The following CSMD1 variants were observed in gnomAD, a reference collection of about 807,000 sequenced individuals.
CSMD1 encodes the protein CUB and sushi domain-containing protein 1.
In CSMD1, 213 loss-of-function variants were observed where a neutral mutation model predicts 417.5. The ratio of observed to expected loss-of-function variants is 0.51; its 90% CI spans 0.46 to 0.57. The LOEUF (loss-of-function observed/expected upper bound fraction) is 0.57, where lower values mean the gene tolerates loss of function less well. Ranked by LOEUF, CSMD1 falls within the 20% of genes least tolerant of loss-of-function variation. CSMD1 has a pLI of 0.00. For synonymous variants in CSMD1, 2,862 were observed against 1,736.8 expected, an observed-to-expected ratio of 1.65 and a Z score of -16.11; for missense variants, 6,923 against 4,529.7, an observed-to-expected ratio of 1.53 and a Z score of -15.17.
chr8:4,413,281 G>C (rs970517444), intron 3 of CSMD1, among the ~76,000 whole-genome samples: 1 of 152,152 alleles, frequency 6.6e-6, no homozygotes, highest in Non-Finnish European at 1.5e-5. Context: ...GATCCTCAAT[G>C]ACACAGCTTC....
chr8:4,253,906 T>A (rs1267694517), intron 3 of CSMD1, among the ~76,000 whole-genome samples: 2 of 101,826 alleles, frequency 2.0e-5, no homozygotes, highest in Non-Finnish European at 3.9e-5. Context: ...TTTCCTTCCA[T>A]CTTTTTTTTT....
chr8:4,471,044 G>A (rs556377311), intron 2 of CSMD1, among the ~76,000 whole-genome samples: 2 of 152,106 alleles, frequency 1.3e-5, no homozygotes, highest in African/African-American at 4.8e-5. Flanking sequence ...AACTTGCAAG[G>A]TCTAATTTCC....
chr8:3,877,295 T>C (rs900615298), intron 5 of CSMD1, among the ~76,000 whole-genome samples: 2 of 152,064 alleles, frequency 1.3e-5, no homozygotes, highest in African/African-American at 4.8e-5. Flanking sequence ...AAAGGAAACT[T>C]CTGCATGCTG....
chr8:2,998,677 T>C (rs1172531268), intron 53 of CSMD1, among the ~76,000 whole-genome samples: 1 of 152,184 alleles, frequency 6.6e-6, no homozygotes, highest in East Asian at 1.9e-4. Flanking sequence ...ATTAGCAAAA[T>C]AACTAAGCAC....
At chr8:4,272,444 C>G (rs1400652797) in intron 3 of CSMD1, among the ~76,000 whole-genome samples, 1 of 152,122 alleles carries the variant, frequency 6.6e-6, no homozygotes, top group African/African-American at 2.4e-5. Context: ...GAAAAACTAT[C>G]TAAAACCAGG....
intron 55 of CSMD1, among the ~76,000 whole-genome samples, chr8:2,975,042 C>T (rs777716345): frequency 1.3e-5 from 2 of 152,160 alleles, no homozygotes; most frequent in Admixed American, 6.5e-5. Context: ...ATATTCTTTG[C>T]TTGCGGACAT....
At chr8:4,355,322 C>G (rs1267288746) in intron 3 of CSMD1, among the ~76,000 whole-genome samples, 1 of 132,890 alleles carries the variant, frequency 7.5e-6, no homozygotes, top group African/African-American at 2.5e-5. Flanking sequence ...CACACACACA[C>G]ACGCACACAC....
chr8:3,745,829 C>G (rs954310140), intron 6 of CSMD1, among the ~76,000 whole-genome samples: 3 of 152,182 alleles, frequency 2.0e-5, no homozygotes, highest in Non-Finnish European at 4.4e-5. Context: ...CCTGGTTTCC[C>G]TACAGCTGTG....
intron 5 of CSMD1, among the ~76,000 whole-genome samples, chr8:3,909,064 G>A (rs1808289148): frequency 6.6e-6 from 1 of 152,298 alleles, no homozygotes; most frequent in South Asian, 2.1e-4. Context: ...CAGCTGAGAA[G>A]GCCTTTGGAG....
chr8:3,010,021 C>T (rs1456735397), intron 52 of CSMD1, among the ~76,000 whole-genome samples: 1 of 152,186 alleles, frequency 6.6e-6, no homozygotes, highest in African/African-American at 2.4e-5. Context: ...CACCTTCTTC[C>T]CTGGGCCTAT....
At chr8:3,734,236 G>A (rs563866525) in intron 6 of CSMD1, among the ~76,000 whole-genome samples, 3 of 152,320 alleles carry the variant, frequency 2.0e-5, no homozygotes, top group East Asian at 1.9e-4. Context: ...GGAGCCTTCG[G>A]CTTCCTACTC....
intron 3 of CSMD1, among the ~76,000 whole-genome samples, chr8:4,155,759 C>G (rs1431354578): frequency 6.6e-6 from 1 of 152,112 alleles, no homozygotes; most frequent in Non-Finnish European, 1.5e-5. Context: ...GTCATTGATC[C>G]CCGGATCTTT....
intron 1 of CSMD1, among the ~76,000 whole-genome samples, chr8:4,728,454 G>A (rs1315709416): frequency 1.3e-5 from 2 of 151,998 alleles, no homozygotes; most frequent in African/African-American, 2.4e-5. Context: ...GTTACCAATT[G>A]AACGTATATT....
chr8:3,233,203 T>A (rs886314085), intron 26 of CSMD1, among the ~76,000 whole-genome samples: 1 of 152,176 alleles, frequency 6.6e-6, no homozygotes, highest in Admixed American at 6.5e-5. Context: ...TATGGTCATA[T>A]TGGGAGGTGA....
intron 10 of CSMD1, among the ~76,000 whole-genome samples, chr8:3,528,256 A>T (rs1215439454): frequency 6.6e-6 from 1 of 152,260 alleles, no homozygotes; most frequent in Admixed American, 6.5e-5. Flanking sequence ...GGATAGACAC[A>T]TCTCAAATCA....
intron 10 of CSMD1, among the ~76,000 whole-genome samples, chr8:3,568,623 G>T (rs899901538): frequency 6.6e-6 from 1 of 152,058 alleles, no homozygotes; most frequent in Non-Finnish European, 1.5e-5. Context: ...ATATGTATTT[G>T]AGAGCTATAT....
chr8:4,101,289 C>T (rs1246488589), intron 3 of CSMD1, among the ~76,000 whole-genome samples: 3 of 152,148 alleles, frequency 2.0e-5, no homozygotes, highest in Non-Finnish European at 4.4e-5. Flanking sequence ...TTCCAAACTC[C>T]CATGTTAAAG....
At chr8:3,432,575 T>A (rs1320269803) in intron 12 of CSMD1, among the ~76,000 whole-genome samples, 1 of 145,038 alleles carries the variant, frequency 6.9e-6, no homozygotes, top group African/African-American at 2.6e-5. Flanking sequence ...AGTGGTGCGA[T>A]CTTGGCTCAC....
intron 5 of CSMD1, among the ~76,000 whole-genome samples, chr8:3,977,066 T>C (rs1813489716): frequency 6.6e-6 from 1 of 152,166 alleles, no homozygotes; most frequent in African/African-American, 2.4e-5. Flanking sequence ...TGAATTTCTT[T>C]TTCCATTTAG....
Sources: allele counts gnomAD v4.1 joint callset (sites outside exome capture counted in the v4.1 genomes callset), GRCh38; gene constraint gnomAD v4.1.1; transcripts MANE v1.5; gene names NCBI Gene and HGNC (gene_info 2026-07-23, HGNC 2026-07-21).